The following TRDN variants were observed in gnomAD, a reference collection of about 807,000 sequenced individuals.
TRDN encodes the protein triadin, also known as triadin in skeletal muscle.
A neutral mutation model predicts 149.7 loss-of-function variants in TRDN; 161 were observed. That is an observed-to-expected ratio of 1.08 (90% CI 0.95 to 1.23). The LOEUF (loss-of-function observed/expected upper bound fraction) is 1.23, where lower values mean the gene tolerates loss of function less well. TRDN is among the 50% of genes most tolerant of loss of function. The probability of loss-of-function intolerance (pLI) is 0.00; values close to 1 mark genes in which losing one functional copy is unlikely to be tolerated. For missense variants in TRDN, 896 were observed against 823.5 expected (o/e 1.09, Z -1.08); for synonymous variants, 294 against 250.5 (o/e 1.17, Z -1.64).
intron 14 of TRDN, among the ~76,000 whole-genome samples, chr6:123,385,649 G>A (rs918529629): frequency 1.3e-5 from 2 of 152,094 alleles, no homozygotes; most frequent in Admixed American, 6.5e-5. Flanking sequence ...TAGAACTAGC[G>A]ACTAATTCTC....
intron 10 of TRDN, among the ~76,000 whole-genome samples, chr6:123,460,962 G>A (rs1389698632): frequency 1.3e-5 from 2 of 151,964 alleles, no homozygotes; most frequent in Non-Finnish European, 2.9e-5. Context: ...TTGTGTTTCA[G>A]TAAATAATGC....
intron 5 of TRDN, chr6:123,528,885 A>G: frequency 9.7e-7 from 1 of 1,033,626 alleles, no homozygotes; most frequent in Non-Finnish European, 1.2e-6. Flanking sequence ...TTCTTAAGAA[A>G]TAGTTACTTT....
At chr6:123,323,397 C>T (rs1272084754) in intron 23 of TRDN, among the ~76,000 whole-genome samples, 1 of 152,166 alleles carries the variant, frequency 6.6e-6, no homozygotes, top group Non-Finnish European at 1.5e-5. Context: ...CACACACAAG[C>T]ACACCTCCAC....
At position 123,255,065 on chromosome 6, in the gene TRDN, C is replaced by T. The variant is rs377046739; in HGVS notation, c.1951+16G>A. The T allele has an allele frequency of 2.7e-5, 35 of 1,312,750 alleles. No individual in the cohort carries two copies. Among genetic ancestry groups the T allele is most frequent in the Middle Eastern group, 1.9e-4 (1 of 5,334 alleles). 81.3% of individuals were successfully genotyped at this position (1,312,750 alleles called of 1,614,324 possible). On this transcript the variant is annotated intron_variant, in intron 37 of 40. Transcript: ENST00000334268. ...TGTTTTCATACAAACATAGTAGTTA[C>T]GTAATTCAAGATTACCTTTTGTCAC...
At chr6:123,242,144 C>T (rs114301182) in intron 38 of TRDN, among the ~76,000 whole-genome samples, 12 of 152,284 alleles carry the variant, frequency 7.9e-5, no homozygotes, top group African/African-American at 1.9e-4. Flanking sequence ...AAAACCTTCC[C>T]GCAGCATTGT....
intron 14 of TRDN, 26 bp downstream of exon 14, chr6:123,388,496 T>C: frequency 1.3e-6 from 2 of 1,580,042 alleles, no homozygotes; most frequent in Non-Finnish European, 8.6e-7. Context: ...CACAAAAGGC[T>C]CAGTGGGATT....
In TRDN at chr6:123,597,746, T is replaced by C. The variant is rs138777120; in HGVS notation, c.23-26614A>G. ...GGCTTTGATGTTTGTTAGCAGTTTT[T>C]AGAAATAAAGTATTTTTAAATTAAA... is the stretch of plus-strand genomic sequence containing the variant. On this transcript the variant is annotated intron_variant, in intron 1 of 40. Coordinates refer to ENST00000334268, the MANE Select transcript of TRDN (RefSeq NM_006073.4). 8.7e-4 allele frequency among the ~76,000 whole-genome samples: 133 copies of C among 152,272 alleles called. 2 individuals carry two copies. The highest frequency in any genetic ancestry group is 3.0e-3 in the African/African-American group (126 of 41,572).
intron 32 of TRDN, among the ~76,000 whole-genome samples, chr6:123,266,251 AT>A (rs57682475): frequency 4.1e-4 from 2 of 4,936 alleles, no homozygotes; most frequent in Non-Finnish European, 9.6e-4. Context: ...ATTATAATAT[AT>A]ATTATATATT....
intron 24 of TRDN, among the ~76,000 whole-genome samples, chr6:123,309,405 C>A (rs1049441303): frequency 2.6e-5 from 4 of 151,902 alleles, no homozygotes; most frequent in African/African-American, 9.7e-5. Context: ...AAGTAGAAAG[C>A]ATCATTTCTG....
At chr6:123,302,242 G>T (rs1778455607) in intron 24 of TRDN, among the ~76,000 whole-genome samples, 1 of 151,972 alleles carries the variant, frequency 6.6e-6, no homozygotes, top group Non-Finnish European at 1.5e-5. Flanking sequence ...GAGTATCGAT[G>T]CATACTGTTT....
chr6:123,504,436 G>A (rs1778829157), intron 7 of TRDN, among the ~76,000 whole-genome samples: 1 of 152,052 alleles, frequency 6.6e-6, no homozygotes, highest in African/African-American at 2.4e-5. Context: ...CATTGGTGTT[G>A]ACTAACAGAA....
intron 23 of TRDN, 78 bp from the exon 24 acceptor site, chr6:123,316,573 G>T: frequency 8.2e-7 from 1 of 1,219,148 alleles, no homozygotes; most frequent in Non-Finnish European, 1.2e-6. Flanking sequence ...AGTACAAAGT[G>T]GATTAATAGG....
chr6:123,255,882 G>T lies in TRDN; in HGVS notation c.1891C>A (p.Leu631Ile). Residue 631 changes from leucine (L) to isoleucine (I), a missense_variant, in exon 36 of 41, where the codon CTT becomes ATT. By Grantham distance (5) the Leu-to-Ile change is conservative. Transcript: ENST00000334268. ...AAAAAATTACCTTTTTCTTCTCTAA[G>T]ATGCTTCATGTCTGCTTTTTCTGTA... ...ESKEKADMKH[L>I]REEKVSTRKE... 1.5e-6 allele frequency: 2 copies of T among 1,347,002 alleles called. No individual in the cohort carries two copies. The highest frequency in any genetic ancestry group is 9.7e-7 in the Non-Finnish European group (1 of 1,034,328). The allele number at this position is 1,347,002 out of a possible 1,614,324, so 83.4% of individuals were successfully genotyped here.
At chr6:123,422,827 T>A (rs1583000372) in intron 12 of TRDN, among the ~76,000 whole-genome samples, 2 of 152,092 alleles carry the variant, frequency 1.3e-5, no homozygotes, top group African/African-American at 2.4e-5. Context: ...CCTCTACTTA[T>A]CCTCAATGAC....
chr6:123,320,158 C>T (rs149028102), intron 23 of TRDN, among the ~76,000 whole-genome samples: 147 of 151,588 alleles, frequency 9.7e-4, no homozygotes, highest in Non-Finnish European at 2.0e-3. Flanking sequence ...GTTATTATCA[C>T]GGTTGTTTCT....
chr6:123,406,868 A>T (rs1482637982), intron 12 of TRDN, among the ~76,000 whole-genome samples: 1 of 152,170 alleles, frequency 6.6e-6, no homozygotes, highest in Non-Finnish European at 1.5e-5. Context: ...TGTCGTCTTT[A>T]TCTCTGTGCT....
chr6:123,515,761 A>C (rs1449084732), intron 6 of TRDN, among the ~76,000 whole-genome samples: 1 of 152,084 alleles, frequency 6.6e-6, no homozygotes, highest in Non-Finnish European at 1.5e-5. Context: ...TAAATAAATA[A>C]CAATTAGAAA....
At chr6:123,448,615 T>C (rs1413101659) in intron 10 of TRDN, among the ~76,000 whole-genome samples, 1 of 152,006 alleles carries the variant, frequency 6.6e-6, no homozygotes, top group Non-Finnish European at 1.5e-5. Flanking sequence ...CAGACATTCC[T>C]AGCCCTGCCC....
At chr6:123,605,737 C>A (rs1346514728) in intron 1 of TRDN, among the ~76,000 whole-genome samples, 1 of 152,060 alleles carries the variant, frequency 6.6e-6, no homozygotes, top group Non-Finnish European at 1.5e-5. Flanking sequence ...GTACTCTAGC[C>A]TGGGTAACAA....
Sources: gnomAD v4.1 joint callset for allele counts (sites outside exome capture counted in the v4.1 genomes callset) on GRCh38, gnomAD v4.1.1 for gene constraint, MANE v1.5 for transcripts, NCBI Gene and HGNC (gene_info 2026-07-23, HGNC 2026-07-21) for gene names.